Variants in MYO16 observed in about 807,000 individuals in gnomAD.
MYO16 encodes the protein unconventional myosin-XVI.
A neutral mutation model predicts 205.3 loss-of-function variants in MYO16; 94 were observed. The observed-to-expected ratio is 0.46, with a 90% confidence interval of 0.39 to 0.54. MYO16 has a LOEUF of 0.54. Ranked by LOEUF, MYO16 falls within the 20% of genes least tolerant of loss-of-function variation. The probability of loss-of-function intolerance (pLI) is 0.00; values close to 1 mark genes in which losing one functional copy is unlikely to be tolerated. For synonymous variants in MYO16, 988 were observed against 954.0 expected (o/e 1.04, Z -0.66); for missense variants, 2,315 against 2,387.5 (o/e 0.97, Z 0.63).
Position 109,041,044 on chromosome 13 carries a change from A to G in MYO16, c.2797-5872A>G, listed in dbSNP as rs187062704. 1.7e-3 allele frequency among the ~76,000 whole-genome samples: 253 copies of G among 152,312 alleles called. 2 individuals are homozygous for G. Among genetic ancestry groups the G allele is most frequent in the African/African-American group, 5.8e-3 (242 of 41,566 alleles). On this transcript the variant is annotated intron_variant, in intron 23 of 34. Transcript: ENST00000457511. ...ACAAGACACAAGATAAACATTCAAA[A>G]AATCAATTGTATTTCTGTATACTAG...
chr13:108,827,735 C>T (rs76240875), intron 9 of MYO16, among the ~76,000 whole-genome samples: 3,837 of 152,244 alleles, frequency 0.025, 127 homozygotes, highest in East Asian at 0.11. Context: ...TGGGCGCCTC[C>T]TCTCTGTGTT....
At chr13:108,583,760 T>G in the MYO16 span, among the ~76,000 whole-genome samples, 1 of 152,188 alleles carries the variant, frequency 6.6e-6, no homozygotes, top group African/African-American at 2.4e-5. Flanking sequence ...GTAGAATATT[T>G]GGAAAGCAAG....
the MYO16 span, among the ~76,000 whole-genome samples, chr13:108,498,495 C>T: frequency 6.6e-6 from 1 of 152,162 alleles, no homozygotes; most frequent in African/African-American, 2.4e-5. Flanking sequence ...CCTCTCCTTA[C>T]TCCCTTCCTG....
At chr13:108,874,588 G>T (rs913957406) in intron 12 of MYO16, among the ~76,000 whole-genome samples, 2 of 151,830 alleles carry the variant, frequency 1.3e-5, no homozygotes, top group Admixed American at 1.3e-4. Context: ...CCCATGAGTG[G>T]CAGAGCTAGC....
intron 34 of MYO16, among the ~76,000 whole-genome samples, chr13:109,188,134 G>T (rs1003133107): frequency 6.6e-6 from 1 of 151,940 alleles, no homozygotes; most frequent in African/African-American, 2.4e-5. Context: ...AGTCTACTTT[G>T]TCTGAAATTA....
intron 16 of MYO16, among the ~76,000 whole-genome samples, chr13:108,954,351 G>C (rs1362667809): frequency 6.6e-6 from 1 of 152,156 alleles, no homozygotes; most frequent in African/African-American, 2.4e-5. Context: ...CAATGATCAA[G>C]TAAGTCAGAA....
intron 22 of MYO16, among the ~76,000 whole-genome samples, chr13:109,013,868 C>T (rs566017741): frequency 2.4e-4 from 37 of 152,120 alleles, no homozygotes; most frequent in African/African-American, 8.4e-4. Context: ...GGATATTAGC[C>T]CTTTGTCAGA....
chr13:108,726,949 G>A (rs528184981), intron 3 of MYO16, among the ~76,000 whole-genome samples: 2 of 151,208 alleles, frequency 1.3e-5, no homozygotes, highest in African/African-American at 4.9e-5. Flanking sequence ...TAGGGTGAAG[G>A]TTACAGATGG....
chr13:108,787,126 G>C (rs139037063), intron 5 of MYO16, among the ~76,000 whole-genome samples: 57 of 152,272 alleles, frequency 3.7e-4, no homozygotes, highest in Non-Finnish European at 7.4e-4. Flanking sequence ...ATCATAGTTT[G>C]TATGTTAAGT....
At position 109,057,586 on chromosome 13, in the gene MYO16, T is replaced by C. The variant is rs277833; in HGVS notation, c.3335+1991T>C. ...GGACGGCTCCTGACTCGTCTCTTTC[T>C]GGTCCCTCGGTGGATATCCCTTCAT... is the stretch of plus-strand genomic sequence containing the variant. On this transcript the variant is annotated intron_variant, in intron 27 of 34. Coordinates refer to ENST00000457511, the MANE Select transcript of MYO16 (RefSeq NM_001198950.3). Among the ~76,000 whole-genome samples, 1,183 of 152,188 alleles carry C rather than the reference T, an allele frequency of 7.8e-3. 22 individuals are homozygous for C. Among genetic ancestry groups the C allele is most frequent in the African/African-American group, 0.027 (1,138 of 41,524 alleles).
chr13:109,096,178 G>A (rs1248159688), intron 27 of MYO16, among the ~76,000 whole-genome samples: 13 of 152,234 alleles, frequency 8.5e-5, no homozygotes, highest in Middle Eastern at 3.4e-3. Context: ...TCAACACTGA[G>A]TCTCAGCAGG....
chr13:109,051,293 T>C (rs937824342), intron 24 of MYO16, among the ~76,000 whole-genome samples: 2 of 152,130 alleles, frequency 1.3e-5, no homozygotes, highest in African/African-American at 4.8e-5. Context: ...ATTACAGATA[T>C]ATATTATGTC....
chr13:108,849,837 G>A (rs1387237113), intron 10 of MYO16, among the ~76,000 whole-genome samples: 1 of 148,056 alleles, frequency 6.8e-6, no homozygotes, highest in Non-Finnish European at 1.5e-5. Context: ...TATCCATACT[G>A]GATTATTTGC....
At chr13:108,684,645 G>C (rs1167857012) in intron 2 of MYO16, among the ~76,000 whole-genome samples, 1 of 152,064 alleles carries the variant, frequency 6.6e-6, no homozygotes, top group African/African-American at 2.4e-5. Flanking sequence ...GCTGGGGGTT[G>C]GTCACCCAGC....
chr13:108,729,367 T>G (rs1247706820), intron 4 of MYO16, among the ~76,000 whole-genome samples: 2 of 152,206 alleles, frequency 1.3e-5, no homozygotes, highest in African/African-American at 4.8e-5. Context: ...AGCACGCAGC[T>G]GGGTCATTTA....
In MYO16 at chr13:109,020,945, T is replaced by C. The variant is rs375728990; in HGVS notation, c.2796+1034T>C. On this transcript the variant is annotated intron_variant, in intron 23 of 34. Transcript: ENST00000457511. ...ATAGGGAAAGGCAAATGAACAAATA[T>C]TAATATGAATAATGTATTACATTGA... is the stretch of plus-strand genomic sequence containing the variant. Among the ~76,000 whole-genome samples, 695 of 152,296 alleles carry C rather than the reference T, an allele frequency of 4.6e-3. 6 individuals carry two copies. The highest frequency in any genetic ancestry group is 0.016 in the African/African-American group (668 of 41,558).
At chr13:108,640,025 A>G (rs1340184303) in intron 1 of MYO16, among the ~76,000 whole-genome samples, 1 of 152,220 alleles carries the variant, frequency 6.6e-6, no homozygotes, top group Non-Finnish European at 1.5e-5. Flanking sequence ...GTATGTAGCC[A>G]TAGACACACA....
chr13:108,675,802 A>G (rs1162595066), intron 2 of MYO16, among the ~76,000 whole-genome samples: 2 of 152,212 alleles, frequency 1.3e-5, no homozygotes, highest in Non-Finnish European at 2.9e-5. Flanking sequence ...TAGAAGCAGC[A>G]TTACTTAGGT....
At chr13:108,642,442 TTTTG>T (rs1365555489) in intron 1 of MYO16, among the ~76,000 whole-genome samples, 3 of 152,128 alleles carry the variant, frequency 2.0e-5, no homozygotes, top group South Asian at 4.1e-4. Flanking sequence ...CTTTGGGTGT[TTTTG>T]TTTGTTTGTT....
Sources: allele counts gnomAD v4.1 joint callset (sites outside exome capture counted in the v4.1 genomes callset), GRCh38; gene constraint gnomAD v4.1.1; transcripts MANE v1.5; gene names NCBI Gene and HGNC (gene_info 2026-07-23, HGNC 2026-07-21).